The following FBXO4 variants were observed in gnomAD, a reference collection of about 807,000 sequenced individuals.
FBXO4 encodes F-box only protein 4.
Under a neutral mutation model 43.7 loss-of-function variants are expected in FBXO4, and 36 were observed. The ratio of observed to expected loss-of-function variants is 0.82; its 90% CI spans 0.63 to 1.09. FBXO4 has a LOEUF of 1.09. Ranked by LOEUF, FBXO4 falls within the 50% of genes least tolerant of loss-of-function variation. The pLI is 0.00. For synonymous variants in FBXO4, 180 were observed against 165.6 expected, an observed-to-expected ratio of 1.09 and a Z score of -0.67; for missense variants, 435 against 474.1, an observed-to-expected ratio of 0.92 and a Z score of 0.77.
At chr5:41,966,766 G>A in the FBXO4 span, among the ~76,000 whole-genome samples, 2 of 151,702 alleles carry the variant, frequency 1.3e-5, no homozygotes, top group Non-Finnish European at 2.9e-5. Context: ...CAAAAGGTTT[G>A]GTACCTAAAA....
At chr5:41,932,677 G>C (rs772793046) in intron 3 of FBXO4, among the ~76,000 whole-genome samples, 8 of 152,160 alleles carry the variant, frequency 5.3e-5, no homozygotes, top group Non-Finnish European at 8.8e-5. Context: ...CAGAGGAAAG[G>C]ATAATAGGAG....
the FBXO4 span, among the ~76,000 whole-genome samples, chr5:41,982,704 T>C: frequency 6.6e-6 from 1 of 152,174 alleles, no homozygotes; most frequent in South Asian, 2.1e-4. Flanking sequence ...ATTTATTGAT[T>C]TTGCAATTAT....
At chr5:41,937,394 A>G (rs1184581694) in intron 5 of FBXO4, among the ~76,000 whole-genome samples, 2 of 152,220 alleles carry the variant, frequency 1.3e-5, no homozygotes, top group Admixed American at 1.3e-4. Context: ...AGGGGGAAAA[A>G]ACATCCTATA....
At chr5:41,979,992 A>G in the FBXO4 span, among the ~76,000 whole-genome samples, 1 of 152,174 alleles carries the variant, frequency 6.6e-6, no homozygotes, top group Non-Finnish European at 1.5e-5. Context: ...GCATCAATCT[A>G]TTTTGCAGTT....
chr5:41,934,203 GGT>G lies in FBXO4; in HGVS notation c.795_796del (p.Asp266Ter). ...CAAGATGTTCAGTCGACACAATGAA[GGT>G]GATGATCAACAAGGAAGCCGGTACA... Reference protein sequence around the residue: ...VNKMFSRHNEGDDQQGSRYSV... With the variant: ...VNKMFSRHNEXDDQQGSRYSV... On this transcript the variant is annotated frameshift_variant, in exon 5 of 7. Transcript: ENST00000281623. LOFTEE classifies it high-confidence loss of function. 1 of 1,614,096 alleles carries G rather than the reference GGT, an allele frequency of 6.2e-7. No homozygotes were observed. The highest frequency in any genetic ancestry group is 8.5e-7 in the Non-Finnish European group (1 of 1,179,996).
the FBXO4 span, among the ~76,000 whole-genome samples, chr5:42,007,390 T>C: frequency 6.6e-6 from 1 of 152,238 alleles, no homozygotes; most frequent in South Asian, 2.1e-4. Flanking sequence ...GTATTAAAAG[T>C]AATTTAAAAA....
Position 41,939,538 on chromosome 5 carries a change from T to C in FBXO4, c.996T>C (p.Ser332=). 1 of 1,613,958 alleles carries C rather than the reference T, an allele frequency of 6.2e-7. No individual in the cohort carries two copies. Among genetic ancestry groups the C allele is most frequent in the Non-Finnish European group, 8.5e-7 (1 of 1,179,910 alleles). The change falls in exon 6 of 7, where the codon TCT becomes TCC. Residue 332 remains serine, a synonymous_variant. Transcript: ENST00000281623. The part of the protein sequence containing the change: ...GRPLLVLSCI[S]QGDVKRMPCF... ...CATTGTTGGTTTTATCTTGTATTTC[T>C]CAAGGGGATGTAAAAAGAATGCCCT...
At chr5:41,950,498 C>A in the FBXO4 span, among the ~76,000 whole-genome samples, 1 of 152,126 alleles carries the variant, frequency 6.6e-6, no homozygotes, top group Non-Finnish European at 1.5e-5. Context: ...AAATGCAAAT[C>A]AAAACCACAG....
At chr5:41,960,851 C>A in the FBXO4 span, among the ~76,000 whole-genome samples, 1 of 151,782 alleles carries the variant, frequency 6.6e-6, no homozygotes, top group African/African-American at 2.4e-5. Context: ...TATGGAATTT[C>A]CTTAAAATAA....
At chr5:42,004,775 C>A in the FBXO4 span, among the ~76,000 whole-genome samples, 4 of 152,066 alleles carry the variant, frequency 2.6e-5, no homozygotes, top group Non-Finnish European at 5.9e-5. Context: ...GCTTCAAATT[C>A]TTCTTCTGTA....
the FBXO4 span, among the ~76,000 whole-genome samples, chr5:41,979,600 A>G: frequency 1.3e-5 from 2 of 152,198 alleles, no homozygotes; most frequent in Non-Finnish European, 2.9e-5. Flanking sequence ...ACATCACTCA[A>G]TGTGGAGGTA....
At chr5:41,992,657 G>A in the FBXO4 span, among the ~76,000 whole-genome samples, 1,414 of 152,194 alleles carry the variant, frequency 9.3e-3, 19 homozygotes, top group African/African-American at 0.032. Context: ...TACAATGGCC[G>A]GTTATTTCAT....
the FBXO4 span, among the ~76,000 whole-genome samples, chr5:42,011,543 T>C: frequency 9.2e-5 from 14 of 152,326 alleles, no homozygotes; most frequent in African/African-American, 3.4e-4. Flanking sequence ...AAGACAATAC[T>C]CCCATCATTG....
chr5:41,973,519 A>G, the FBXO4 span, among the ~76,000 whole-genome samples: 1 of 152,328 alleles, frequency 6.6e-6, no homozygotes, highest in South Asian at 2.1e-4. Flanking sequence ...TCTACAAAAA[A>G]TAATAAAAAA....
chr5:41,946,487 G>A (rs1752078779), downstream of FBXO4, among the ~76,000 whole-genome samples: 1 of 152,138 alleles, frequency 6.6e-6, no homozygotes, highest in African/African-American at 2.4e-5. Flanking sequence ...AGAAAAAGTA[G>A]GGCACTCTGC....
intron 2 of FBXO4, among the ~76,000 whole-genome samples, chr5:41,927,926 A>G (rs1751557486): frequency 6.6e-6 from 1 of 152,240 alleles, no homozygotes; most frequent in African/African-American, 2.4e-5. Flanking sequence ...GACATTATAT[A>G]TCTGGATATA....
At chr5:42,039,266 T>G in the FBXO4 span, among the ~76,000 whole-genome samples, 1 of 152,118 alleles carries the variant, frequency 6.6e-6, no homozygotes, top group African/African-American at 2.4e-5. Flanking sequence ...TCATTTCTTG[T>G]TATTTGTCCT....
chr5:41,964,130 G>T, the FBXO4 span, among the ~76,000 whole-genome samples: 6 of 152,156 alleles, frequency 3.9e-5, no homozygotes, highest in African/African-American at 1.4e-4. Context: ...TATCTAGAAA[G>T]ATGTAATTTT....
chr5:41,987,423 C>G, the FBXO4 span, among the ~76,000 whole-genome samples: 1 of 152,068 alleles, frequency 6.6e-6, no homozygotes. Context: ...CTACATATAT[C>G]TATTTTCAGT....
Sources: gnomAD v4.1 joint callset for allele counts (sites outside exome capture counted in the v4.1 genomes callset) on GRCh38, gnomAD v4.1.1 for gene constraint, MANE v1.5 for transcripts, NCBI Gene and HGNC (gene_info 2026-07-23, HGNC 2026-07-21) for gene names.